Variants in RUNX1 observed in about 807,000 individuals in gnomAD.
RUNX1 encodes the protein RUNX family transcription factor 1.
RUNX1 carries 19 observed loss-of-function variants against 42.8 expected under a neutral mutation model. That is an observed-to-expected ratio of 0.44 (90% CI 0.31 to 0.65). The LOEUF (loss-of-function observed/expected upper bound fraction) is 0.65. Among genes scored for constraint, RUNX1 ranks in the 30% least tolerant of loss-of-function variants. RUNX1 has a pLI of 0.07. For synonymous variants in RUNX1, 271 were observed against 289.4 expected, an observed-to-expected ratio of 0.94 and a Z score of 0.64; for missense variants, 528 against 672.0, an observed-to-expected ratio of 0.79 and a Z score of 2.37.
intron 3 of RUNX1, chr21:34,887,952 T>A: frequency 2.8e-6 from 3 of 1,065,762 alleles, no homozygotes; most frequent in Non-Finnish European, 3.4e-6. Context: ...AAAACAACAA[T>A]CATAAGAAGG....
chr21:34,888,757 G>T (rs2058035886), intron 3 of RUNX1: 1 of 943,616 alleles, frequency 1.1e-6, no homozygotes, highest in Non-Finnish European at 1.3e-6. Context: ...CATTCCCTCA[G>T]CTCGTTTGCA....
chr21:34,797,758 A>C (rs913330875), intron 8 of RUNX1, among the ~76,000 whole-genome samples: 2 of 152,204 alleles, frequency 1.3e-5, no homozygotes, highest in Non-Finnish European at 2.9e-5. Context: ...TGTGAAAACC[A>C]AGCACTTAAG....
intron 6 of RUNX1, among the ~76,000 whole-genome samples, chr21:34,845,313 C>T (rs1250700013): frequency 6.6e-6 from 1 of 152,220 alleles, no homozygotes; most frequent in Non-Finnish European, 1.5e-5. Context: ...AGGTTCCATC[C>T]TTGCCAGGGA....
intron 8 of RUNX1, among the ~76,000 whole-genome samples, chr21:34,794,870 C>T (rs888979297): frequency 5.3e-5 from 8 of 152,120 alleles, no homozygotes; most frequent in Admixed American, 3.9e-4. Flanking sequence ...TAGCATCGCC[C>T]GCCCCTCTTG....
intron 2 of RUNX1, among the ~76,000 whole-genome samples, chr21:34,914,116 G>A (rs1365772005): frequency 1.3e-5 from 2 of 152,154 alleles, no homozygotes; most frequent in Non-Finnish European, 2.9e-5. Context: ...CCATCAAAAC[G>A]TGGTTTGCTA....
Position 34,799,300 on chromosome 21 carries a change from C to G in RUNX1, c.967+1G>C, listed in dbSNP as rs2056574571. On this transcript the variant is annotated splice_donor_variant, in intron 8 of 8. Transcript: ENST00000675419. LOFTEE classifies it high-confidence loss of function. ...AAAGAATGTGTTTTCAAGTGGCTTACTTGAGAGTCGACTGGAAAGTTCTGC... is the reference window on the plus strand; with the variant it reads ...AAAGAATGTGTTTTCAAGTGGCTTAGTTGAGAGTCGACTGGAAAGTTCTGC... 1 of 1,614,096 alleles carries G rather than the reference C, an allele frequency of 6.2e-7. No homozygotes were observed. Among genetic ancestry groups the G allele is most frequent in the Non-Finnish European group, 8.5e-7 (1 of 1,180,034 alleles).
intron 6 of RUNX1, among the ~76,000 whole-genome samples, chr21:34,847,074 G>A (rs909844387): frequency 6.6e-6 from 1 of 152,202 alleles, no homozygotes; most frequent in Admixed American, 6.5e-5. Context: ...ACTCTTAGGT[G>A]CTCTGAGCCT....
At chr21:34,835,072 T>C (rs2057125161) in intron 6 of RUNX1, among the ~76,000 whole-genome samples, 1 of 152,138 alleles carries the variant, frequency 6.6e-6, no homozygotes, top group Non-Finnish European at 1.5e-5. Flanking sequence ...GGCGGCAAAG[T>C]GGGCCCCGCA....
At chr21:34,837,131 C>G (rs549544034) in intron 6 of RUNX1, among the ~76,000 whole-genome samples, 1 of 152,324 alleles carries the variant, frequency 6.6e-6, no homozygotes, top group East Asian at 1.9e-4. Context: ...TAACTGATGA[C>G]TGTCTGCTTT....
intron 2 of RUNX1, among the ~76,000 whole-genome samples, chr21:35,002,707 C>T (rs1447789795): frequency 1.3e-5 from 2 of 152,086 alleles, no homozygotes; most frequent in South Asian, 2.1e-4. Flanking sequence ...GGATTACAGG[C>T]GTGAGCCACT....
chr21:34,897,573 T>C (rs1033859635), intron 2 of RUNX1, among the ~76,000 whole-genome samples: 6 of 152,242 alleles, frequency 3.9e-5, no homozygotes, highest in Admixed American at 3.3e-4. Context: ...TTTTGGGTTA[T>C]AGCTATTTAA....
rs188489891 is a variant in RUNX1 at position 34,968,258 on chromosome 21, C to T, written c.59-75295G>A. On this transcript the variant is annotated intron_variant, in intron 2 of 8. Coordinates refer to ENST00000675419, the MANE Select transcript of RUNX1 (RefSeq NM_001754.5). ...ATTCCTCCAAAGCAATGTGTCTCTT[C>T]GCAGAGTCTCTTAGAGCTGCAAGGC... Among the ~76,000 whole-genome samples the T allele has an allele frequency of 1.1e-3, 173 of 152,268 alleles. 1 individual carries two copies. Among genetic ancestry groups the T allele is most frequent in the East Asian group, 0.01 (54 of 5,186 alleles).
chr21:34,888,515 C>T, intron 3 of RUNX1: 2 of 1,064,924 alleles, frequency 1.9e-6, no homozygotes, highest in East Asian at 9.9e-5. Context: ...CAAAAAAAAA[C>T]AACAAAAAAA....
Position 34,837,915 on chromosome 21 carries a change from G to C in RUNX1, c.614-3314C>G, listed in dbSNP as rs184932529. Among the ~76,000 whole-genome samples the C allele has an allele frequency of 2.5e-3, 382 of 151,878 alleles. 4 individuals carry two copies. The highest frequency in any genetic ancestry group is 8.7e-3 in the African/African-American group (361 of 41,436). ...CTTCTAGTACCATTTTCTCATTTTT[G>C]AAAAAAATGAAAGTACTTGCTTGGA... On this transcript the variant is annotated intron_variant, in intron 6 of 8. Coordinates refer to ENST00000675419, the MANE Select transcript of RUNX1 (RefSeq NM_001754.5).
At position 34,984,424 on chromosome 21, in the gene RUNX1, A is replaced by C. The variant is rs187962236; in HGVS notation, c.58+64418T>G. 1.8e-3 allele frequency among the ~76,000 whole-genome samples: 219 copies of C among 122,122 alleles called. 3 individuals are homozygous for C. Among genetic ancestry groups the C allele is most frequent in the South Asian group, 3.6e-3 (13 of 3,626 alleles). 80.1% of individuals were successfully genotyped at this position (122,122 alleles called of 152,430 possible). ...GGTCCCATATGAGGGCAGAAAAAAA[A>C]CTATAGAACTATACACAGTCTTCCA... On this transcript the variant is annotated intron_variant, in intron 2 of 8. Coordinates refer to ENST00000675419, the MANE Select transcript of RUNX1 (RefSeq NM_001754.5).
At chr21:35,006,259 C>T (rs1338866516) in intron 2 of RUNX1, among the ~76,000 whole-genome samples, 1 of 152,176 alleles carries the variant, frequency 6.6e-6, no homozygotes, top group African/African-American at 2.4e-5. Flanking sequence ...GAGATTTAAA[C>T]ATGAAACAGC....
At chr21:34,942,421 G>A (rs575666668) in intron 2 of RUNX1, among the ~76,000 whole-genome samples, 1 of 152,112 alleles carries the variant, frequency 6.6e-6, no homozygotes, top group Non-Finnish European at 1.5e-5. Flanking sequence ...TGGTTCACTT[G>A]CAGGTTTCAT....
intron 2 of RUNX1, among the ~76,000 whole-genome samples, chr21:35,035,863 A>G (rs1050081979): frequency 6.6e-6 from 1 of 152,198 alleles, no homozygotes; most frequent in Non-Finnish European, 1.5e-5. Context: ...GTTGTGATTG[A>G]AAAGAGGAAT....
At position 34,983,739 on chromosome 21, in the gene RUNX1, G is replaced by A. The variant is rs112629305; in HGVS notation, c.58+65103C>T. 1.5e-3 allele frequency among the ~76,000 whole-genome samples: 230 copies of A among 152,296 alleles called. 1 individual carries two copies. Among genetic ancestry groups the A allele is most frequent in the African/African-American group, 5.2e-3 (217 of 41,552 alleles). The stretch of plus-strand genomic sequence containing the variant: ...GTGTGTTGTGGGGGGAAAATGGTTT[G>A]AGACTCACTATTTCAGAGGAAGTGG... On this transcript the variant is annotated intron_variant, in intron 2 of 8. Transcript: ENST00000675419.
Sources: gnomAD v4.1 joint callset for allele counts (sites outside exome capture counted in the v4.1 genomes callset) on GRCh38, gnomAD v4.1.1 for gene constraint, MANE v1.5 for transcripts, NCBI Gene and HGNC (gene_info 2026-07-23, HGNC 2026-07-21) for gene names.